The following DNAI1 variants were observed in gnomAD, a reference collection of about 807,000 sequenced individuals.
DNAI1 encodes dynein axonemal intermediate chain 1.
In DNAI1, 67 loss-of-function variants were observed where a neutral mutation model predicts 92.0. That is an observed-to-expected ratio of 0.73 (90% CI 0.60 to 0.89). The LOEUF is 0.89. Among genes scored for constraint, DNAI1 ranks in the 40% least tolerant of loss-of-function variants. The probability of loss-of-function intolerance (pLI) is 0.00; values close to 1 mark genes in which losing one functional copy is unlikely to be tolerated. For synonymous variants in DNAI1, 323 were observed against 319.6 expected (o/e 1.01, Z -0.11); for missense variants, 839 against 866.6 (o/e 0.97, Z 0.40).
chr9:34,458,923 G>A lies in DNAI1; in HGVS notation c.-83G>A, dbSNP rs766124282. The A allele has an allele frequency of 7.8e-7, 1 of 1,283,294 alleles. No individual in the cohort carries two copies. Among genetic ancestry groups the A allele is most frequent in the Non-Finnish European group, 1.1e-6 (1 of 881,302 alleles). 79.5% of individuals were successfully genotyped at this position (1,283,294 alleles called of 1,614,324 possible). A position where few individuals can be genotyped will look rare whatever the true frequency, so the allele number is the denominator to read the frequency against. On this transcript the variant is annotated 5_prime_UTR_variant, in exon 1 of 20. Transcript: ENST00000242317. This position sits in a 1 kb window ranked among gnomAD's most constrained non-coding sequence, Gnocchi z 6.6. ...GGTAACTGAAGTGGAAGAGAGTCCA[G>A]ATTTCTTGTGTGTGGTCAAGGAGAC... is the stretch of plus-strand genomic sequence containing the variant.
At chr9:34,479,104 G>A (rs1824291091) in intron 1 of DNAI1, among the ~76,000 whole-genome samples, 1 of 152,216 alleles carries the variant, frequency 6.6e-6, no homozygotes, top group African/African-American at 2.4e-5. Flanking sequence ...ATTCCTGGCA[G>A]AGGAGTGGTA....
chr9:34,487,911 G>A (rs1372134508), intron 4 of DNAI1: 2 of 208,564 alleles, frequency 9.6e-6, no homozygotes, highest in Admixed American at 6.0e-5. Flanking sequence ...GAGGTAGATG[G>A]TTCTGATCTA....
chr9:34,492,963 G>A (rs1224639729), intron 8 of DNAI1, among the ~76,000 whole-genome samples: 1 of 152,092 alleles, frequency 6.6e-6, no homozygotes, highest in Non-Finnish European at 1.5e-5. Context: ...CAGCCTCTGG[G>A]TTTCAGGGTA....
chr9:34,515,021 G>A (rs146438447), intron 18 of DNAI1, among the ~76,000 whole-genome samples: 1 of 152,358 alleles, frequency 6.6e-6, no homozygotes, highest in African/African-American at 2.4e-5. Context: ...GCTGTATGGT[G>A]GAGAGCTAGA....
At chr9:34,507,109 C>G (rs1485031468) in intron 13 of DNAI1, among the ~76,000 whole-genome samples, 1 of 152,152 alleles carries the variant, frequency 6.6e-6, no homozygotes, top group Non-Finnish European at 1.5e-5. Context: ...GGAGGGCCCC[C>G]ACCTGTTTGC....
intron 13 of DNAI1, among the ~76,000 whole-genome samples, chr9:34,509,408 G>A (rs1008617887): frequency 3.3e-5 from 5 of 152,160 alleles, no homozygotes; most frequent in South Asian, 4.1e-4. Flanking sequence ...CAAGCAAAGT[G>A]TTCATGCAGA....
At chr9:34,466,787 A>C (rs1824046439) in intron 1 of DNAI1, among the ~76,000 whole-genome samples, 1 of 152,192 alleles carries the variant, frequency 6.6e-6, no homozygotes, top group Admixed American at 6.5e-5. Flanking sequence ...ACTATGTTTC[A>C]TTCTTATTCT....
Position 34,520,804 on chromosome 9 carries a change from G to A in DNAI1, c.*48G>A. 6.5e-7 allele frequency: 1 copy of A among 1,537,922 alleles called. No individual in the cohort carries two copies. The highest frequency in any genetic ancestry group is 8.8e-7 in the Non-Finnish European group (1 of 1,134,714). ...CCATCGCTTGAATACAGTACTCCTAGGGCTTGACCCTGGTACCCAGCCCAG... is the reference window on the plus strand; with the variant it reads ...CCATCGCTTGAATACAGTACTCCTAAGGCTTGACCCTGGTACCCAGCCCAG... On this transcript the variant is annotated 3_prime_UTR_variant, in exon 20 of 20. Coordinates refer to ENST00000242317, the MANE Select transcript of DNAI1 (RefSeq NM_012144.4).
intron 13 of DNAI1, among the ~76,000 whole-genome samples, chr9:34,509,850 G>A (rs114073632): frequency 5.8e-4 from 86 of 147,234 alleles, no homozygotes; most frequent in African/African-American, 2.1e-3. Context: ...AAACAGTTGC[G>A]CCACTGCAGT....
At chr9:34,501,368 G>A (rs1396368360) in intron 12 of DNAI1, among the ~76,000 whole-genome samples, 187 bp downstream of exon 12, 2 of 152,248 alleles carry the variant, frequency 1.3e-5, no homozygotes, top group Non-Finnish European at 2.9e-5. Flanking sequence ...ATTCTAAGCT[G>A]AATGTGTCAA....
In DNAI1 at chr9:34,491,596, C is replaced by G. The variant is rs777052571; in HGVS notation, c.681+42C>G. The G allele has an allele frequency of 3.1e-6, 5 of 1,607,432 alleles. No homozygotes were observed. The Admixed American group carries it at 5.0e-5, about 16-fold the overall frequency. On this transcript the variant is annotated intron_variant, in intron 8 of 19. Coordinates refer to ENST00000242317, the MANE Select transcript of DNAI1 (RefSeq NM_012144.4). The stretch of plus-strand genomic sequence containing the variant: ...GCCTGAAACCTCTTACCACCCACCT[C>G]TATGTATCCTTTCCTCATTTAGCAG...
At chr9:34,493,458 A>G (rs1402688846) in intron 9 of DNAI1, 130 bp downstream of exon 9, 1 of 1,306,926 alleles carries the variant, frequency 7.7e-7, no homozygotes, top group Non-Finnish European at 1.1e-6. Flanking sequence ...TTGAGATATA[A>G]ATAGTTCTTT....
intron 1 of DNAI1, among the ~76,000 whole-genome samples, chr9:34,464,368 T>C (rs1482636507): frequency 6.6e-6 from 1 of 152,180 alleles, no homozygotes; most frequent in Non-Finnish European, 1.5e-5. Context: ...TACCTGGGTC[T>C]CTATACCTTA....
chr9:34,506,814 C>T lies in DNAI1; in HGVS notation c.1251C>T (p.His417=), dbSNP rs760975561. The change falls in exon 13 of 20, where the codon CAC becomes CAT. Residue 417 remains histidine, a synonymous_variant. Coordinates refer to ENST00000242317, the MANE Select transcript of DNAI1 (RefSeq NM_012144.4). Reference sequence around the variant, plus strand: ...CCATTTACAACCTCAAGAAGCCCCACTCCCAGCCCTCCTTCTGCAGCTCAG... The same window carrying T: ...CCATTTACAACCTCAAGAAGCCCCATTCCCAGCCCTCCTTCTGCAGCTCAG... ...NVAIYNLKKP[H]SQPSFCSSAK... is the part of the protein sequence containing the mutation. The T allele has an allele frequency of 1.9e-6, 3 of 1,614,190 alleles. No homozygotes were observed. Among genetic ancestry groups the T allele is most frequent in the Non-Finnish European group, 2.5e-6 (3 of 1,180,048 alleles).
intron 2 of DNAI1, 150 bp from the exon 3 acceptor site, chr9:34,484,992 C>T: frequency 1.3e-6 from 1 of 762,976 alleles, no homozygotes; most frequent in Non-Finnish European, 2.3e-6. Flanking sequence ...TTCTTTTGGA[C>T]TCTTTCATGA....
chr9:34,458,954 A>G lies in DNAI1; in HGVS notation c.-52A>G. ...TTGTGTGTGGTCAAGGAGACGGACA[A>G]ACTTTTTGTCTTCAGACGAGGGAGC... On this transcript the variant is annotated 5_prime_UTR_variant, in exon 1 of 20. Coordinates refer to ENST00000242317, the MANE Select transcript of DNAI1 (RefSeq NM_012144.4). This position sits in a 1 kb window ranked among gnomAD's most constrained non-coding sequence, Gnocchi z 6.6. 1 of 1,580,782 alleles carries G rather than the reference A, an allele frequency of 6.3e-7. No homozygotes were observed. Among genetic ancestry groups the G allele is most frequent in the Non-Finnish European group, 8.7e-7 (1 of 1,149,794 alleles).
intron 12 of DNAI1, among the ~76,000 whole-genome samples, chr9:34,504,431 G>A (rs956462514): frequency 6.6e-6 from 1 of 152,114 alleles, no homozygotes; most frequent in Non-Finnish European, 1.5e-5. Flanking sequence ...CCTCGGCTGC[G>A]GGCTGCGTAA....
In DNAI1 at chr9:34,514,480, C is replaced by T. The variant is rs1256778310; in HGVS notation, c.1656C>T (p.His552=). The T allele has an allele frequency of 6.2e-7, 1 of 1,614,254 alleles. No homozygotes were observed. The highest frequency in any genetic ancestry group is 1.1e-5 in the South Asian group (1 of 91,090). ...ACACTGTGTCCTGGAACCCATACCA[C>T]ACCAAGGTCTTCATGTCCTGCAGCT... ...SVDTVSWNPY[H]TKVFMSCSSD... is the part of the protein sequence containing the mutation. Residue 552 remains histidine, a synonymous_variant, in exon 17 of 20, where the codon CAC becomes CAT. Coordinates refer to ENST00000242317, the MANE Select transcript of DNAI1 (RefSeq NM_012144.4).
Position 34,493,199 on chromosome 9 carries a change from G to T in DNAI1, c.687G>T (p.Glu229Asp). The T allele has an allele frequency of 3.1e-6, 5 of 1,614,208 alleles. No homozygotes were observed. The highest frequency in any genetic ancestry group is 4.2e-6 in the Non-Finnish European group (5 of 1,180,042). The stretch of plus-strand genomic sequence containing the variant: ...CTTATCTCACCCTTGCCTAGTGGGA[G>T]ATCTATGATGCCTATGTAGAGGAAC... ...TNFSATANQW[E>D]IYDAYVEELE... Residue 229 changes from glutamate (E) to aspartate (D), a missense_variant, in exon 9 of 20, where the codon GAG becomes GAT. Glu to Asp is a conservative substitution (Grantham distance 45). Coordinates refer to ENST00000242317, the MANE Select transcript of DNAI1 (RefSeq NM_012144.4).
Sources: allele counts gnomAD v4.1 joint callset (sites outside exome capture counted in the v4.1 genomes callset), GRCh38; gene constraint gnomAD v4.1.1; non-coding constraint Gnocchi (gnomAD v3.1); transcripts MANE v1.5; gene names NCBI Gene and HGNC (gene_info 2026-07-23, HGNC 2026-07-21).